Variants in ZFAND1 observed in about 807,000 individuals in gnomAD.
ZFAND1 encodes zinc finger AN1-type containing 1.
ZFAND1 carries 40 observed loss-of-function variants against 38.5 expected under a neutral mutation model. The ratio of observed to expected loss-of-function variants is 1.04; its 90% CI spans 0.81 to 1.35. The LOEUF is 1.35. ZFAND1 is among the 40% of genes most tolerant of loss of function. The pLI, the probability that ZFAND1 is intolerant of heterozygous loss-of-function variation, is 0.00. For missense variants in ZFAND1, 346 were observed against 316.3 expected, an observed-to-expected ratio of 1.09 and a Z score of -0.71; for synonymous variants, 117 against 103.6, an observed-to-expected ratio of 1.13 and a Z score of -0.78.
chr8:81,705,668 C>T (rs1169490060), intron 6 of ZFAND1, among the ~76,000 whole-genome samples: 1 of 152,222 alleles, frequency 6.6e-6, no homozygotes, highest in African/African-American at 2.4e-5. Context: ...CACCTGTAAT[C>T]CCAGCACTTG....
intron 6 of ZFAND1, among the ~76,000 whole-genome samples, chr8:81,707,500 T>A (rs1348928646): frequency 6.6e-6 from 1 of 152,258 alleles, no homozygotes; most frequent in African/African-American, 2.4e-5. Flanking sequence ...ACAGGCTATG[T>A]TGAAGTCTGT....
At position 81,703,137 on chromosome 8, in the gene ZFAND1, A is replaced by G; in HGVS notation, c.481-13T>C. The G allele has an allele frequency of 2.7e-6, 4 of 1,482,014 alleles. No homozygotes were observed. In the South Asian group the frequency reaches 4.2e-5, roughly 16 times the overall value. 91.8% of individuals were successfully genotyped at this position (1,482,014 alleles called of 1,614,324 possible). On this transcript the variant is annotated splice_polypyrimidine_tract_variant and intron_variant, in intron 6 of 7. Coordinates refer to ENST00000220669, the MANE Select transcript of ZFAND1 (RefSeq NM_024699.3). Reference sequence around the variant, plus strand: ...AAATTCTTTCTGTCTGTAAAAAGAAAAAGTTAAAACAACCATTACATAGAC... The same window carrying G: ...AAATTCTTTCTGTCTGTAAAAAGAAGAAGTTAAAACAACCATTACATAGAC...
chr8:81,708,248 CAAAA>C (rs746812833), intron 6 of ZFAND1, among the ~76,000 whole-genome samples: 2 of 62,952 alleles, frequency 3.2e-5, no homozygotes, highest in Non-Finnish European at 6.3e-5. Flanking sequence ...AAAGCTCCAT[CAAAA>C]AAAAAAAAAA....
Position 81,714,808 on chromosome 8 carries a change from A to G in ZFAND1, c.354T>C (p.Ile118=), listed in dbSNP as rs757148446. ...ACACGCTTTCTAGATACTTACCAAT[A>G]ATGTCTTTAACAAGTTTCTGAGTGG... ...MAATQKLVKD[I]IDSKTGETAS... is the part of the protein sequence containing the mutation. The change falls in exon 5 of 8, where the codon ATT becomes ATC. Residue 118 remains isoleucine, a synonymous_variant. Transcript: ENST00000220669. 1 of 1,613,874 alleles carries G rather than the reference A, an allele frequency of 6.2e-7. No individual in the cohort carries two copies. Among genetic ancestry groups the G allele is most frequent in the Non-Finnish European group, 8.5e-7 (1 of 1,179,770 alleles).
intron 3 of ZFAND1, among the ~76,000 whole-genome samples, 155 bp from the exon 4 acceptor site, chr8:81,715,269 A>ATTG (rs1230186038): frequency 1.3e-5 from 2 of 152,244 alleles, no homozygotes; most frequent in Non-Finnish European, 2.9e-5. Context: ...TTATGTGACA[A>ATTG]ATGATTACTA....
chr8:81,714,699 T>C, intron 5 of ZFAND1, 105 bp downstream of exon 5: 1 of 908,510 alleles, frequency 1.1e-6, no homozygotes, highest in Admixed American at 2.1e-5. Context: ...TTAATACGAA[T>C]ACCACTGGGG....
intron 6 of ZFAND1, among the ~76,000 whole-genome samples, chr8:81,706,366 G>GA (rs1563603916): frequency 4.4e-4 from 3 of 6,846 alleles, no homozygotes; most frequent in Admixed American, 1.8e-3. Context: ...TAAGGAAGGA[G>GA]AAACAAAAAA....
At chr8:81,706,370 CAAA>C (rs35031788) in intron 6 of ZFAND1, among the ~76,000 whole-genome samples, 30 of 72,682 alleles carry the variant, frequency 4.1e-4, no homozygotes, top group Middle Eastern at 0.017. Context: ...GAAGGAGAAA[CAAA>C]AAAAAAAAAA....
intron 6 of ZFAND1, among the ~76,000 whole-genome samples, chr8:81,710,181 G>A (rs1364639239): frequency 6.6e-6 from 1 of 152,160 alleles, no homozygotes; most frequent in African/African-American, 2.4e-5. Flanking sequence ...AATGTCTCCA[G>A]ACATTGCTGA....
intron 6 of ZFAND1, among the ~76,000 whole-genome samples, chr8:81,712,836 C>T (rs1808178522): frequency 6.6e-6 from 1 of 152,040 alleles, no homozygotes; most frequent in African/African-American, 2.4e-5. Flanking sequence ...CATAATTTCA[C>T]CGAACAGGGC....
chr8:81,704,952 C>CT (rs5892768), intron 6 of ZFAND1, among the ~76,000 whole-genome samples: 19 of 150,616 alleles, frequency 1.3e-4, no homozygotes, highest in Non-Finnish European at 1.8e-4. Flanking sequence ...ATAGCCTTAT[C>CT]TTTTTTTTTT....
intron 6 of ZFAND1, among the ~76,000 whole-genome samples, chr8:81,711,761 C>T (rs1808146247): frequency 2.6e-5 from 1 of 38,150 alleles, no homozygotes; most frequent in Non-Finnish European, 9.6e-5. Context: ...AAATCTACAT[C>T]AAACAGTTTT....
intron 6 of ZFAND1, among the ~76,000 whole-genome samples, chr8:81,709,345 C>CA (rs1007259417): frequency 5.3e-5 from 8 of 152,170 alleles, no homozygotes; most frequent in African/African-American, 1.4e-4. Context: ...AGCCCAGTGG[C>CA]ATATAAACTC....
chr8:81,706,196 A>C, intron 6 of ZFAND1, among the ~76,000 whole-genome samples: 1 of 151,486 alleles, frequency 6.6e-6, no homozygotes, highest in Non-Finnish European at 1.5e-5. Flanking sequence ...AATAGATGAC[A>C]AAGTATATTA....
chr8:81,714,160 G>A, intron 5 of ZFAND1, 121 bp from the exon 6 acceptor site: 2 of 912,412 alleles, frequency 2.2e-6, no homozygotes. Context: ...GAGATATACA[G>A]AGACCACATT....
chr8:81,708,679 A>T (rs1162629171), intron 6 of ZFAND1: 29 of 856,460 alleles, frequency 3.4e-5, no homozygotes, highest in Non-Finnish European at 4.2e-5. Context: ...AGACTGTAAA[A>T]TATTAAAAAG....
chr8:81,703,105 T>C lies in ZFAND1; in HGVS notation c.500A>G (p.Gln167Arg), dbSNP rs1471784412. Residue 167 changes from glutamine to arginine, a missense_variant, in exon 7 of 8, where the codon CAG (glutamine) becomes CGG (arginine). Coordinates refer to ENST00000220669, the MANE Select transcript of ZFAND1 (RefSeq NM_024699.3). ...TTTGCTCCCTTTAGGTAAGAAAACC[T>C]GAAAGTAAATTCTTTCTGTCTGTAA... ...SLPQTERIYF[Q>R]VFLPKGSKEK... The C allele has an allele frequency of 5.9e-6, 9 of 1,515,098 alleles. No individual in the cohort carries two copies. Among genetic ancestry groups the C allele is most frequent in the Non-Finnish European group, 5.3e-6 (6 of 1,126,930 alleles). 93.9% of individuals were successfully genotyped at this position (1,515,098 alleles called of 1,614,324 possible).
At chr8:81,719,791 C>A (rs1808420705) in intron 1 of ZFAND1, among the ~76,000 whole-genome samples, 1 of 152,116 alleles carries the variant, frequency 6.6e-6, no homozygotes, top group Non-Finnish European at 1.5e-5. Context: ...ACACTAAAGA[C>A]ATATATAGCT....
chr8:81,716,050 C>T (rs73694732), intron 3 of ZFAND1, among the ~76,000 whole-genome samples: 2,766 of 152,256 alleles, frequency 0.018, 78 homozygotes, highest in African/African-American at 0.061. Flanking sequence ...AAATAGATCA[C>T]GTAAACTTCA....
Sources: allele counts gnomAD v4.1 joint callset (sites outside exome capture counted in the v4.1 genomes callset), GRCh38; gene constraint gnomAD v4.1.1; transcripts MANE v1.5; gene names NCBI Gene and HGNC (gene_info 2026-07-23, HGNC 2026-07-21).